ANKS1B: variants seen among roughly 807,000 people sequenced by gnomAD.
The protein encoded by ANKS1B is ankyrin repeat and sterile alpha motif domain containing 1B.
ANKS1B carries 36 observed loss-of-function variants against 148.3 expected under a neutral mutation model. The observed-to-expected ratio is 0.24, with a 90% confidence interval of 0.19 to 0.32. The LOEUF (loss-of-function observed/expected upper bound fraction) is 0.32. Among genes scored for constraint, ANKS1B ranks in the 10% least tolerant of loss-of-function variants. ANKS1B has a pLI of 1.00. For missense variants in ANKS1B, 1,157 were observed against 1,542.6 expected (o/e 0.75, Z 4.19); for synonymous variants, 542 against 560.8 (o/e 0.97, Z 0.47).
At chr12:99,351,585 C>A (rs543383207) in intron 12 of ANKS1B, among the ~76,000 whole-genome samples, 1 of 151,958 alleles carries the variant, frequency 6.6e-6, no homozygotes, top group African/African-American at 2.4e-5. Flanking sequence ...TTCTTACCTT[C>A]GGTTTTCTTC....
At chr12:99,772,648 C>CACAACA (rs767613785) in intron 8 of ANKS1B, 3 of 244,564 alleles carry the variant, frequency 1.2e-5, no homozygotes, top group East Asian at 7.6e-5. Context: ...ACTAAAGGAA[C>CACAACA]ACAACAACAA....
At chr12:99,077,254 G>T (rs563042775) in intron 16 of ANKS1B, among the ~76,000 whole-genome samples, 1 of 152,222 alleles carries the variant, frequency 6.6e-6, no homozygotes, top group Admixed American at 6.5e-5. Context: ...CACGTATGTG[G>T]GTGTGAGATT....
chr12:99,505,566 T>C (rs1241917880), intron 9 of ANKS1B, among the ~76,000 whole-genome samples: 1 of 150,050 alleles, frequency 6.7e-6, no homozygotes, highest in Non-Finnish European at 1.5e-5. Context: ...AAGGCATTAA[T>C]TGGTCAACAA....
intron 17 of ANKS1B, among the ~76,000 whole-genome samples, chr12:98,938,696 C>G (rs150817288): frequency 6.6e-6 from 1 of 152,308 alleles, no homozygotes; most frequent in East Asian, 1.9e-4. Context: ...TAAGTCACTT[C>G]GATGAAAACT....
At chr12:98,834,098 T>TA (rs2099348238) in intron 17 of ANKS1B, among the ~76,000 whole-genome samples, 1 of 152,158 alleles carries the variant, frequency 6.6e-6, no homozygotes, top group African/African-American at 2.4e-5. Context: ...ATGAGGAGGG[T>TA]AAATGTTAGC....
At chr12:99,636,550 C>T (rs1466184411) in intron 9 of ANKS1B, among the ~76,000 whole-genome samples, 2 of 152,114 alleles carry the variant, frequency 1.3e-5, no homozygotes, top group Admixed American at 6.5e-5. Context: ...CAGCACTACA[C>T]TGGAGGCCAT....
At chr12:99,822,550 T>G (rs1190589117) in intron 2 of ANKS1B, among the ~76,000 whole-genome samples, 2 of 152,230 alleles carry the variant, frequency 1.3e-5, no homozygotes, top group Non-Finnish European at 2.9e-5. Context: ...GTATTTGATT[T>G]GCTGTTCTTC....
At chr12:98,816,328 C>T in intron 19 of ANKS1B, among the ~76,000 whole-genome samples, 1 of 152,186 alleles carries the variant, frequency 6.6e-6, no homozygotes, top group East Asian at 1.9e-4. Flanking sequence ...GACAGGGTCT[C>T]ACTGTCACCC....
chr12:99,762,380 A>G (rs779592071), intron 8 of ANKS1B, among the ~76,000 whole-genome samples: 15 of 152,162 alleles, frequency 9.9e-5, no homozygotes, highest in East Asian at 1.9e-4. Flanking sequence ...GAACTCAGAA[A>G]TAAAGCCACA....
intron 9 of ANKS1B, among the ~76,000 whole-genome samples, chr12:99,519,641 G>C (rs544242407): frequency 1.3e-5 from 2 of 151,970 alleles, no homozygotes; most frequent in East Asian, 3.9e-4. Flanking sequence ...GTTTCTTGCA[G>C]GCACAGATCA....
intron 25 of ANKS1B, among the ~76,000 whole-genome samples, chr12:98,771,587 C>T (rs138504408): frequency 5.5e-4 from 84 of 152,276 alleles, no homozygotes; most frequent in Admixed American, 1.2e-3. Context: ...AATCCTCCCA[C>T]CTCACCCTCT....
intron 19 of ANKS1B, among the ~76,000 whole-genome samples, chr12:98,819,054 A>G (rs990632544): frequency 6.6e-6 from 1 of 152,160 alleles, no homozygotes; most frequent in Non-Finnish European, 1.5e-5. Flanking sequence ...ATGACTTCAA[A>G]GGTTTGTTGT....
chr12:99,789,810 G>T (rs1194944811), intron 4 of ANKS1B, among the ~76,000 whole-genome samples: 1 of 152,008 alleles, frequency 6.6e-6, no homozygotes, highest in African/African-American at 2.4e-5. Context: ...AAAACACACT[G>T]AGAAGACAAA....
At chr12:99,850,591 C>G (rs2087646183) in intron 1 of ANKS1B, among the ~76,000 whole-genome samples, 1 of 151,828 alleles carries the variant, frequency 6.6e-6, no homozygotes, top group Non-Finnish European at 1.5e-5. Flanking sequence ...TTTTTGTCTT[C>G]CATTTTTATC....
intron 15 of ANKS1B, among the ~76,000 whole-genome samples, chr12:99,134,302 C>T (rs896388588): frequency 6.6e-6 from 1 of 151,994 alleles, no homozygotes; most frequent in Non-Finnish European, 1.5e-5. Flanking sequence ...TGGAGAAAAG[C>T]TATATGGATC....
intron 17 of ANKS1B, among the ~76,000 whole-genome samples, chr12:98,934,265 G>C (rs2099816453): frequency 6.6e-6 from 1 of 152,042 alleles, no homozygotes; most frequent in African/African-American, 2.4e-5. Flanking sequence ...CTTTCCCATT[G>C]TGTATTCTTG....
chr12:99,323,704 T>A (rs1228446828), intron 12 of ANKS1B, among the ~76,000 whole-genome samples: 1 of 152,154 alleles, frequency 6.6e-6, no homozygotes, highest in East Asian at 1.9e-4. Context: ...GCAAATTCAA[T>A]GTATAGCATG....
chr12:99,166,437 A>G (rs2077192442), intron 14 of ANKS1B, among the ~76,000 whole-genome samples: 1 of 151,940 alleles, frequency 6.6e-6, no homozygotes, highest in Non-Finnish European at 1.5e-5. Context: ...GTTGCAGGAT[A>G]TAAGATCAAT....
intron 8 of ANKS1B, among the ~76,000 whole-genome samples, chr12:99,744,314 T>C (rs184642447): frequency 1.3e-5 from 2 of 152,332 alleles, no homozygotes; most frequent in Non-Finnish European, 1.5e-5. Flanking sequence ...CACTAAATAG[T>C]ATAGAATTTG....
Sources: gnomAD v4.1 joint callset for allele counts (sites outside exome capture counted in the v4.1 genomes callset) on GRCh38, gnomAD v4.1.1 for gene constraint, MANE v1.5 for transcripts, NCBI Gene and HGNC (gene_info 2026-07-23, HGNC 2026-07-21) for gene names.